Variants in GALNT13 observed in about 807,000 individuals in gnomAD.
GALNT13 encodes the protein polypeptide N-acetylgalactosaminyltransferase 13.
In GALNT13, 28 loss-of-function variants were observed where a neutral mutation model predicts 64.2. The ratio of observed to expected loss-of-function variants is 0.44; its 90% CI spans 0.32 to 0.60. The LOEUF (loss-of-function observed/expected upper bound fraction) is 0.60, where lower values mean the gene tolerates loss of function less well. GALNT13 is among the 20% of genes least tolerant of loss of function. The probability of loss-of-function intolerance (pLI) is 0.05; values close to 1 mark genes in which losing one functional copy is unlikely to be tolerated. For synonymous variants in GALNT13, 214 were observed against 224.6 expected (o/e 0.95, Z 0.42); for missense variants, 577 against 669.8 (o/e 0.86, Z 1.53).
chr2:153,092,434 A>T, the GALNT13 span, among the ~76,000 whole-genome samples: 1 of 152,284 alleles, frequency 6.6e-6, no homozygotes, highest in South Asian at 2.1e-4. Context: ...TTAGGGTACT[A>T]TGGATATTTT....
chr2:153,753,271 G>T, the GALNT13 span, among the ~76,000 whole-genome samples: 10 of 152,074 alleles, frequency 6.6e-5, no homozygotes, highest in Non-Finnish European at 1.0e-4. Flanking sequence ...ATTTGGTGAG[G>T]TCATGTTTTC....
At chr2:153,338,279 C>A in the GALNT13 span, among the ~76,000 whole-genome samples, 2 of 151,702 alleles carry the variant, frequency 1.3e-5, no homozygotes, top group Admixed American at 6.6e-5. Flanking sequence ...GGTGACAGAG[C>A]AAGACCCTGT....
At chr2:154,149,460 G>A (rs1274876040) in intron 4 of GALNT13, among the ~76,000 whole-genome samples, 1 of 152,080 alleles carries the variant, frequency 6.6e-6, no homozygotes, top group African/African-American at 2.4e-5. Flanking sequence ...CCAATTCTGT[G>A]AAGAAAGTCA....
rs142166723 is a variant in GALNT13 at position 154,431,839 on chromosome 2, C to A, written c.1396-6753C>A. On this transcript the variant is annotated intron_variant, in intron 11 of 12. Coordinates refer to ENST00000392825, the MANE Select transcript of GALNT13 (RefSeq NM_052917.4). ...AAAGGGCAGTTTCCCTGCACACGCT[C>A]TCTTGCCTGCCACCATGTGGGATGT... 7.8e-3 allele frequency among the ~76,000 whole-genome samples: 1,191 copies of A among 152,302 alleles called. 11 individuals are homozygous for A. Among genetic ancestry groups the A allele is most frequent in the Non-Finnish European group, 0.01 (708 of 68,008 alleles).
At chr2:154,052,128 A>C (rs536830591) in intron 3 of GALNT13, among the ~76,000 whole-genome samples, 2 of 152,286 alleles carry the variant, frequency 1.3e-5, no homozygotes, top group South Asian at 4.1e-4. Flanking sequence ...CCAGATTCCT[A>C]ATCCTTCAGA....
intron 3 of GALNT13, among the ~76,000 whole-genome samples, chr2:153,951,394 A>G (rs1692173222): frequency 6.6e-6 from 1 of 152,154 alleles, no homozygotes; most frequent in African/African-American, 2.4e-5. Flanking sequence ...AGGTCTGGGT[A>G]GGAGTCTGTG....
At chr2:153,676,949 T>A in the GALNT13 span, among the ~76,000 whole-genome samples, 2 of 151,690 alleles carry the variant, frequency 1.3e-5, no homozygotes, top group Non-Finnish European at 3.0e-5. Flanking sequence ...GCCAGAGACA[T>A]TTTGCTGGAG....
the GALNT13 span, among the ~76,000 whole-genome samples, chr2:153,815,202 T>C: frequency 6.6e-6 from 1 of 152,212 alleles, no homozygotes; most frequent in Non-Finnish European, 1.5e-5. Flanking sequence ...ACAGTTTACT[T>C]GGAGAGATGA....
chr2:154,338,705 A>G (rs1015329157), intron 9 of GALNT13, among the ~76,000 whole-genome samples: 4 of 152,082 alleles, frequency 2.6e-5, no homozygotes, highest in African/African-American at 7.2e-5. Flanking sequence ...CCGTAGGCAT[A>G]AGGATAGTTC....
chr2:153,451,734 A>G, the GALNT13 span, among the ~76,000 whole-genome samples: 5 of 152,190 alleles, frequency 3.3e-5, no homozygotes, highest in Non-Finnish European at 7.3e-5. Flanking sequence ...TTACTGTGAA[A>G]GAAATGGGAA....
the GALNT13 span, among the ~76,000 whole-genome samples, chr2:153,341,251 G>A: frequency 6.6e-6 from 1 of 152,202 alleles, no homozygotes; most frequent in Non-Finnish European, 1.5e-5. Context: ...GGAGTAGTGA[G>A]TGCTTAATAA....
chr2:153,555,194 T>TAAATAAAAA, the GALNT13 span, among the ~76,000 whole-genome samples: 1 of 130,536 alleles, frequency 7.7e-6, no homozygotes, highest in African/African-American at 2.9e-5. Flanking sequence ...GCTTTACTTT[T>TAAATAAAAA]TTTTTTTTTT....
chr2:153,832,192 TG>T, the GALNT13 span, among the ~76,000 whole-genome samples: 1 of 152,016 alleles, frequency 6.6e-6, no homozygotes. Context: ...TGACATTCAC[TG>T]GGAAAAAATG....
At chr2:153,823,886 C>A in the GALNT13 span, among the ~76,000 whole-genome samples, 4 of 152,110 alleles carry the variant, frequency 2.6e-5, no homozygotes, top group African/African-American at 9.7e-5. Context: ...GTTTTAATAT[C>A]TTGAATCAAT....
At chr2:153,823,687 A>G in the GALNT13 span, among the ~76,000 whole-genome samples, 2 of 152,254 alleles carry the variant, frequency 1.3e-5, no homozygotes, top group African/African-American at 2.4e-5. Context: ...CTTAGTTAAT[A>G]TCATTCTGGA....
chr2:154,209,595 C>G (rs115234958), intron 4 of GALNT13, among the ~76,000 whole-genome samples: 1 of 152,170 alleles, frequency 6.6e-6, no homozygotes, highest in Non-Finnish European at 1.5e-5. Flanking sequence ...GCTATTTCAT[C>G]TCTCTAACTC....
At chr2:154,225,327 A>T (rs1688561232) in intron 4 of GALNT13, among the ~76,000 whole-genome samples, 1 of 152,018 alleles carries the variant, frequency 6.6e-6, no homozygotes, top group South Asian at 2.1e-4. Flanking sequence ...TTTGCTGAAA[A>T]CTTTAAAGTA....
intron 1 of GALNT13, among the ~76,000 whole-genome samples, chr2:153,874,171 G>A (rs1008496751): frequency 3.8e-5 from 5 of 133,120 alleles, no homozygotes; most frequent in African/African-American, 1.2e-4. Flanking sequence ...AACCCTGTTC[G>A]TTTGATTTGG....
At chr2:153,596,102 A>T in the GALNT13 span, among the ~76,000 whole-genome samples, 2 of 152,202 alleles carry the variant, frequency 1.3e-5, no homozygotes, top group Non-Finnish European at 2.9e-5. Context: ...GAAGCTGACC[A>T]TTGGCTGGAA....
Sources: gnomAD v4.1 joint callset for allele counts (sites outside exome capture counted in the v4.1 genomes callset) on GRCh38, gnomAD v4.1.1 for gene constraint, MANE v1.5 for transcripts, NCBI Gene and HGNC (gene_info 2026-07-23, HGNC 2026-07-21) for gene names.